KIRREL3: variants seen among roughly 807,000 people sequenced by gnomAD.
KIRREL3 encodes kin of IRRE-like protein 3.
In KIRREL3, 36 loss-of-function variants were observed where a neutral mutation model predicts 89.7. That is an observed-to-expected ratio of 0.40 (90% CI 0.31 to 0.53). KIRREL3 has a LOEUF of 0.53. Among genes scored for constraint, KIRREL3 ranks in the 20% least tolerant of loss-of-function variants. The pLI, the probability that KIRREL3 is intolerant of heterozygous loss-of-function variation, is 0.49. For missense variants in KIRREL3, 864 were observed against 1,056.6 expected (o/e 0.82, Z 2.53); for synonymous variants, 445 against 441.4 (o/e 1.01, Z -0.10).
Position 126,995,113 on chromosome 11 carries a change from G to C in KIRREL3, c.55+5342C>G, listed in dbSNP as rs1950141950. 2.2e-6 allele frequency: 1 copy of C among 446,028 alleles called. No individual in the cohort carries two copies. Among genetic ancestry groups the C allele is most frequent in the African/African-American group, 2.0e-5 (1 of 49,900 alleles). 27.6% of individuals were successfully genotyped at this position (446,028 alleles called of 1,614,324 possible). A position where few individuals can be genotyped will look rare whatever the true frequency, so the allele number is the denominator to read the frequency against. On this transcript the variant is annotated intron_variant, in intron 1 of 16. Transcript: ENST00000525144. The surrounding 1 kb of genome is among the most constrained non-coding windows in gnomAD (Gnocchi z 6.5). ...GATTACAACCTGGGCGCAGTATACTGGCTGGCTTTGCTGCTCACTCCCTTA... is the reference window on the plus strand; with the variant it reads ...GATTACAACCTGGGCGCAGTATACTCGCTGGCTTTGCTGCTCACTCCCTTA...
rs978734322 is a variant in KIRREL3, at chr11:126,686,448, G to A, written c.56-123536C>T. On this transcript the variant is annotated intron_variant, in intron 1 of 16. Transcript: ENST00000525144. This position sits in a 1 kb window ranked among gnomAD's most constrained non-coding sequence, Gnocchi z 4.7. ...GCCTTGTGGGTCTGTGGAAGAGAAT[G>A]GAAGATACACAAAGGAAGGGAGTCC... Among the ~76,000 whole-genome samples, 3 of 152,178 alleles carry A rather than the reference G, an allele frequency of 2.0e-5. No homozygotes were observed. The South Asian group carries it at 6.2e-4, about 32-fold the overall frequency.
intron 1 of KIRREL3, among the ~76,000 whole-genome samples, chr11:126,911,458 T>C (rs1946809706): frequency 1.3e-5 from 2 of 152,076 alleles, no homozygotes. Flanking sequence ...GACTCTAGAA[T>C]CGAAGCTGCC....
At chr11:126,737,886 CT>C (rs1245175727) in intron 1 of KIRREL3, among the ~76,000 whole-genome samples, 1 of 152,168 alleles carries the variant, frequency 6.6e-6, no homozygotes, top group Non-Finnish European at 1.5e-5. Flanking sequence ...CAATTCTACT[CT>C]TTTAGTTATT....
At position 126,703,778 on chromosome 11, in the gene KIRREL3, G is replaced by A. The variant is rs1161029135; in HGVS notation, c.56-140866C>T. 6.6e-6 allele frequency among the ~76,000 whole-genome samples: 1 copy of A among 152,204 alleles called. No homozygotes were observed. Among genetic ancestry groups the A allele is most frequent in the African/African-American group, 2.4e-5 (1 of 41,442 alleles). On this transcript the variant is annotated intron_variant, in intron 1 of 16. Transcript: ENST00000525144. This position sits in a 1 kb window ranked among gnomAD's most constrained non-coding sequence, Gnocchi z 4.6. ...GTCTCAGAGGGCAGGAAAGAGAATG[G>A]GGAGCCCTTGCAGAATGTGGTTGGA...
chr11:126,511,360 C>T (rs1306748164), intron 4 of KIRREL3, among the ~76,000 whole-genome samples: 1 of 151,974 alleles, frequency 6.6e-6, no homozygotes, highest in African/African-American at 2.4e-5. Context: ...AAGAGTGGAC[C>T]CCCCAGGCTG....
intron 1 of KIRREL3, among the ~76,000 whole-genome samples, chr11:126,952,180 G>A (rs1948792653): frequency 6.6e-6 from 1 of 152,184 alleles, no homozygotes; most frequent in Non-Finnish European, 1.5e-5. Context: ...GAGGTCAGGA[G>A]TTCGAGAGCA....
rs183193992 is a variant in KIRREL3, at chr11:126,970,180, G to T, written c.55+30275C>A. ...AAATTCTTTCTTCTTTCAGTTTTTC[G>T]CTCTTCACAGCTCAGTTAATTCCAC... On this transcript the variant is annotated intron_variant, in intron 1 of 16. Coordinates refer to ENST00000525144, the MANE Select transcript of KIRREL3 (RefSeq NM_032531.4). The surrounding 1 kb of genome is among the most constrained non-coding windows in gnomAD (Gnocchi z 4.4). 6.6e-6 allele frequency among the ~76,000 whole-genome samples: 1 copy of T among 152,052 alleles called. No individual in the cohort carries two copies. The highest frequency in any genetic ancestry group is 1.5e-5 in the Non-Finnish European group (1 of 68,002).
intron 4 of KIRREL3, among the ~76,000 whole-genome samples, chr11:126,512,751 C>A (rs544810350): frequency 1.3e-5 from 2 of 152,212 alleles, no homozygotes; most frequent in African/African-American, 4.8e-5. Context: ...TTGGTTCCAG[C>A]AGCTGAAGGG....
In KIRREL3 at chr11:126,655,693, A is replaced by C. The variant is rs1162876643; in HGVS notation, c.56-92781T>G. Among the ~76,000 whole-genome samples the C allele has an allele frequency of 1.3e-5, 2 of 152,070 alleles. No individual in the cohort carries two copies. ...GAGAGGCTTATGAAGGCTGTGTCTC[A>C]AGCATTTCAGGGGGCTGCAGATTTA... On this transcript the variant is annotated intron_variant, in intron 1 of 16. Transcript: ENST00000525144. This position sits in a 1 kb window ranked among gnomAD's most constrained non-coding sequence, Gnocchi z 5.0.
In KIRREL3 at chr11:126,668,867, T is replaced by A. The variant is rs891514803; in HGVS notation, c.56-105955A>T. On this transcript the variant is annotated intron_variant, in intron 1 of 16. Transcript: ENST00000525144. This position sits in a 1 kb window ranked among gnomAD's most constrained non-coding sequence, Gnocchi z 4.4. ...CTGGCTCTGAGTGTGCTGCTAAGAA[T>A]CTATTCCTATAGGCGTTTGGTCATT... Among the ~76,000 whole-genome samples, 1 of 152,030 alleles carries A rather than the reference T, an allele frequency of 6.6e-6. No homozygotes were observed. Among genetic ancestry groups the A allele is most frequent in the African/African-American group, 2.4e-5 (1 of 41,388 alleles).
rs890602264 is a variant in KIRREL3 at position 126,555,286 on chromosome 11, A to G, written c.133+7549T>C. ...CAGTGGCCAGAGGTAGGCTGAGTGA[A>G]ACAAGCCACTCCAGTTCCCACCCAC... is the stretch of plus-strand genomic sequence containing the variant. On this transcript the variant is annotated intron_variant, in intron 2 of 16. Coordinates refer to ENST00000525144, the MANE Select transcript of KIRREL3 (RefSeq NM_032531.4). The surrounding 1 kb of genome is among the most constrained non-coding windows in gnomAD (Gnocchi z 4.2). Among the ~76,000 whole-genome samples, 2 of 152,220 alleles carry G rather than the reference A, an allele frequency of 1.3e-5. No individual in the cohort carries two copies. Among genetic ancestry groups the G allele is most frequent in the Non-Finnish European group, 2.9e-5 (2 of 68,048 alleles).
Position 127,000,644 on chromosome 11 carries a change from C to G in KIRREL3, c.-135G>C. 1 of 834,392 alleles carries G rather than the reference C, an allele frequency of 1.2e-6. No individual in the cohort carries two copies. The highest frequency in any genetic ancestry group is 1.9e-6 in the Non-Finnish European group (1 of 532,450). The allele number at this position is 834,392 out of a possible 1,614,324, so 51.7% of individuals were successfully genotyped here. A position where few individuals can be genotyped will look rare whatever the true frequency, so the allele number is the denominator to read the frequency against. The stretch of plus-strand genomic sequence containing the variant: ...ACCATCTGTCCGTCCGTGGGTCCCT[C>G]CGGGTGGCTTCGGTCTCTTTGTGCC... On this transcript the variant is annotated 5_prime_UTR_variant, in exon 1 of 17. Transcript: ENST00000525144. This position sits in a 1 kb window ranked among gnomAD's most constrained non-coding sequence, Gnocchi z 7.1.
At chr11:126,899,995 G>A (rs1946310990) in intron 1 of KIRREL3, among the ~76,000 whole-genome samples, 1 of 152,172 alleles carries the variant, frequency 6.6e-6, no homozygotes, top group Admixed American at 6.5e-5. Flanking sequence ...GCAAATTTGG[G>A]ATGAGGGGAA....
At chr11:126,580,622 G>A (rs1039806822) in intron 1 of KIRREL3, among the ~76,000 whole-genome samples, 1 of 152,126 alleles carries the variant, frequency 6.6e-6, no homozygotes, top group African/African-American at 2.4e-5. Flanking sequence ...AGCCCCATGT[G>A]CTGTCTGGCA....
rs149999899 is a variant in KIRREL3, at chr11:126,772,102, A to T, written c.56-209190T>A. On this transcript the variant is annotated intron_variant, in intron 1 of 16. Transcript: ENST00000525144. This position sits in a 1 kb window ranked among gnomAD's most constrained non-coding sequence, Gnocchi z 4.6. ...GCCAGCTCATTCTCAGGGCAGAAGA[A>T]CCAGTGTAGTCTCTCACTAATGTCT... 1.2e-3 allele frequency among the ~76,000 whole-genome samples: 188 copies of T among 152,316 alleles called. No homozygotes were observed. The highest frequency in any genetic ancestry group is 4.3e-3 in the African/African-American group (180 of 41,576).
intron 1 of KIRREL3, among the ~76,000 whole-genome samples, chr11:126,998,916 AGTGTGTGTGTGTGTGTGTGT>A (rs10561880): frequency 3.5e-5 from 5 of 141,344 alleles, no homozygotes; most frequent in African/African-American, 5.2e-5. Context: ...GACGAATGGG[AGTGTGTGTGTGTGTGTGTGT>A]GTGTGTGTGT....
intron 1 of KIRREL3, among the ~76,000 whole-genome samples, chr11:126,863,306 T>C (rs1944764289): frequency 6.6e-6 from 1 of 151,056 alleles, no homozygotes; most frequent in Non-Finnish European, 1.5e-5. Context: ...CAGGCCAAGC[T>C]GGGGTTCCAG....
In KIRREL3 at chr11:126,580,703, C is replaced by T. The variant is rs1438016794; in HGVS notation, c.56-17791G>A. On this transcript the variant is annotated intron_variant, in intron 1 of 16. Transcript: ENST00000525144. ...TGTGCACCCTGGACAAGCAGGGCCA[C>T]GTGTGGGCCAGGACTGCTCTGCCCT... Among the ~76,000 whole-genome samples, 5 of 152,222 alleles carry T rather than the reference C, an allele frequency of 3.3e-5. No homozygotes were observed. The South Asian group carries it at 6.2e-4, about 19-fold the overall frequency.
rs573458573 is a variant in KIRREL3 at position 126,569,249 on chromosome 11, G to A, written c.56-6337C>T. Among the ~76,000 whole-genome samples, 12 of 152,298 alleles carry A rather than the reference G, an allele frequency of 7.9e-5. No homozygotes were observed. The South Asian group carries it at 1.5e-3, about 18-fold the overall frequency. On this transcript the variant is annotated intron_variant, in intron 1 of 16. Coordinates refer to ENST00000525144, the MANE Select transcript of KIRREL3 (RefSeq NM_032531.4). This position sits in a 1 kb window ranked among gnomAD's most constrained non-coding sequence, Gnocchi z 6.5. The stretch of plus-strand genomic sequence containing the variant: ...GTACATTTCTGGACTTACTGTGTTC[G>A]AGGTGACAAGGTTCTAAAGTGAAGA...
Sources: allele counts gnomAD v4.1 joint callset (sites outside exome capture counted in the v4.1 genomes callset), GRCh38; gene constraint gnomAD v4.1.1; non-coding constraint Gnocchi (gnomAD v3.1); transcripts MANE v1.5; gene names NCBI Gene and HGNC (gene_info 2026-07-23, HGNC 2026-07-21).